STARD9: variants seen among roughly 807,000 people sequenced by gnomAD.
The protein encoded by STARD9 is stAR-related lipid transfer protein 9.
Under a neutral mutation model 399.8 loss-of-function variants are expected in STARD9, and 346 were observed. The ratio of observed to expected loss-of-function variants is 0.87; its 90% CI spans 0.79 to 0.95. The LOEUF (loss-of-function observed/expected upper bound fraction) is 0.95, where lower values mean the gene tolerates loss of function less well. Ranked by LOEUF, STARD9 falls within the 40% of genes least tolerant of loss-of-function variation. The probability of loss-of-function intolerance (pLI) is 0.00; values close to 1 mark genes in which losing one functional copy is unlikely to be tolerated. For missense variants in STARD9, 5,832 were observed against 5,667.5 expected (o/e 1.03, Z -0.93); for synonymous variants, 2,203 against 2,143.5 (o/e 1.03, Z -0.77).
At chr15:42,591,783 C>T (rs1431923732) in intron 3 of STARD9, among the ~76,000 whole-genome samples, 1 of 152,192 alleles carries the variant, frequency 6.6e-6, no homozygotes, top group Non-Finnish European at 1.5e-5. Flanking sequence ...CTAGGGACTA[C>T]TAGAGGACAA....
chr15:42,579,560 AAAAGGAAGG>A (rs758207538), intron 1 of STARD9, among the ~76,000 whole-genome samples: 12 of 152,274 alleles, frequency 7.9e-5, no homozygotes, highest in Non-Finnish European at 1.8e-4. Flanking sequence ...CAGGTAGAGA[AAAAGGAAGG>A]AAAGGAAGGA....
intron 9 of STARD9, among the ~76,000 whole-genome samples, chr15:42,660,650 A>G (rs1465782006): frequency 6.6e-6 from 1 of 151,860 alleles, no homozygotes; most frequent in African/African-American, 2.4e-5. Flanking sequence ...CCGACATTGA[A>G]TCGGGGTTGG....
intron 8 of STARD9, among the ~76,000 whole-genome samples, chr15:42,651,675 A>G (rs1373642676): frequency 6.6e-6 from 1 of 152,076 alleles, no homozygotes; most frequent in Non-Finnish European, 1.5e-5. Context: ...AGAGCCTTCT[A>G]TTTATCCTGT....
Position 42,684,366 on chromosome 15 carries a change from G to A in STARD9, c.2788G>A (p.Gly930Ser). The change falls in exon 23 of 33, where the codon GGC becomes AGC. Residue 930 changes from glycine (G) to serine (S), a missense_variant. This residue lies in a region of STARD9 where 5,828 missense variants were observed against 5,651.1 expected (regional missense o/e 1.03). Transcript: ENST00000290607. ...ACLTMSPNSV[G>S]IQEMEMGVKQ... ...CCTCACCATGAGTCCCAACTCTGTT[G>A]GCATCCAGGAAATGGAGATGGGGGT... The A allele has an allele frequency of 1.3e-6, 2 of 1,536,962 alleles. No homozygotes were observed. Among genetic ancestry groups the A allele is most frequent in the Non-Finnish European group, 1.7e-6 (2 of 1,146,792 alleles).
intron 28 of STARD9, among the ~76,000 whole-genome samples, 170 bp from the exon 29 acceptor site, chr15:42,717,561 G>A (rs2061373063): frequency 6.6e-6 from 1 of 152,042 alleles, no homozygotes; most frequent in South Asian, 2.1e-4. Context: ...GGAGGTTAAC[G>A]CTGCAGTGAG....
intron 26 of STARD9, among the ~76,000 whole-genome samples, chr15:42,712,097 A>AATAT (rs1555411009): frequency 4.8e-3 from 1 of 208 alleles, no homozygotes; most frequent in Non-Finnish European, 0.016. Context: ...ATATATATAT[A>AATAT]ATATATAATA....
At chr15:42,673,822 C>T in intron 16 of STARD9, 1 of 430,630 alleles carries the variant, frequency 2.3e-6, no homozygotes, top group Non-Finnish European at 4.7e-6. Context: ...TCCACTGATT[C>T]ATTTGTACTA....
chr15:42,580,640 C>G (rs1211026387), intron 1 of STARD9, among the ~76,000 whole-genome samples: 4 of 152,044 alleles, frequency 2.6e-5, no homozygotes, highest in African/African-American at 9.7e-5. Flanking sequence ...ATGGTGAAAC[C>G]CCGTCTCAGC....
intron 7 of STARD9, among the ~76,000 whole-genome samples, chr15:42,646,977 G>A (rs1426565985): frequency 1.3e-5 from 2 of 152,198 alleles, no homozygotes; most frequent in African/African-American, 4.8e-5. Flanking sequence ...GGAAAGGTTG[G>A]CTGGTGGAGC....
At chr15:42,629,012 C>G (rs1307866548) in intron 3 of STARD9, among the ~76,000 whole-genome samples, 1 of 151,720 alleles carries the variant, frequency 6.6e-6, no homozygotes, top group Non-Finnish European at 1.5e-5. Flanking sequence ...CTCATACTAC[C>G]CCAGTTAAAT....
At chr15:42,601,694 T>C (rs558790784) in intron 3 of STARD9, among the ~76,000 whole-genome samples, 1 of 152,280 alleles carries the variant, frequency 6.6e-6, no homozygotes, top group Non-Finnish European at 1.5e-5. Flanking sequence ...TGTCGGTCTG[T>C]TAATATATTC....
At position 42,694,127 on chromosome 15, in the gene STARD9, T is replaced by A; in HGVS notation, c.12549T>A (p.Asn4183Lys). ...KQEQSPPQPP[N>K]DHSQDSEWSK... ...AACAGAGTCCCCCACAACCTCCTAA[T>A]GACCACAGCCAGGATTCTGAGTGGT... Residue 4183 changes from asparagine (N) to lysine (K), a missense_variant, in exon 23 of 33, where the codon AAT (asparagine) becomes AAA (lysine). This residue lies in a region of STARD9 where 5,828 missense variants were observed against 5,651.1 expected (regional missense o/e 1.03). Coordinates refer to ENST00000290607, the MANE Select transcript of STARD9 (RefSeq NM_020759.3). 1 of 1,536,900 alleles carries A rather than the reference T, an allele frequency of 6.5e-7. No homozygotes were observed. Among genetic ancestry groups the A allele is most frequent in the Non-Finnish European group, 8.7e-7 (1 of 1,146,776 alleles).
intron 3 of STARD9, among the ~76,000 whole-genome samples, chr15:42,606,562 C>T (rs888869660): frequency 6.6e-6 from 1 of 151,758 alleles, no homozygotes; most frequent in Non-Finnish European, 1.5e-5. Flanking sequence ...CTCAAGCCAC[C>T]TTCCCACCTC....
intron 26 of STARD9, among the ~76,000 whole-genome samples, chr15:42,706,728 G>A (rs1205139824): frequency 6.6e-6 from 1 of 152,150 alleles, no homozygotes; most frequent in Non-Finnish European, 1.5e-5. Flanking sequence ...GAGATTACAG[G>A]CGTGAGCCAC....
intron 3 of STARD9, among the ~76,000 whole-genome samples, chr15:42,598,431 A>G (rs1367916831): frequency 1.3e-5 from 2 of 150,050 alleles, no homozygotes; most frequent in African/African-American, 4.9e-5. Flanking sequence ...TTATAAATGT[A>G]TTCATCATGT....
At position 42,675,757 on chromosome 15, in the gene STARD9, CTG is replaced by C; in HGVS notation, c.1770+15_1770+16del. 5 of 1,536,722 alleles carry C rather than the reference CTG, an allele frequency of 3.3e-6. No individual in the cohort carries two copies. The highest frequency in any genetic ancestry group is 4.4e-6 in the Non-Finnish European group (5 of 1,146,428). ...CGGCAGCGAAGGCAGGTTAGCAGGG[CTG>C]TGTTTTCTAGGTTATTGCTGGCCTC... On this transcript the variant is annotated intron_variant, in intron 19 of 32. Coordinates refer to ENST00000290607, the MANE Select transcript of STARD9 (RefSeq NM_020759.3).
intron 3 of STARD9, among the ~76,000 whole-genome samples, chr15:42,620,507 A>T (rs1399162948): frequency 6.6e-6 from 1 of 152,098 alleles, no homozygotes; most frequent in Non-Finnish European, 1.5e-5. Context: ...AGGAAATTAA[A>T]GTGTTAATTG....
intron 3 of STARD9, among the ~76,000 whole-genome samples, chr15:42,618,700 G>T (rs2059022418): frequency 6.6e-6 from 1 of 151,792 alleles, no homozygotes; most frequent in African/African-American, 2.4e-5. Flanking sequence ...GGGTTCAAGC[G>T]ATTCTCCTGC....
At chr15:42,716,616 G>A in intron 26 of STARD9, 61 bp from the exon 27 acceptor site, 1 of 1,056,144 alleles carries the variant, frequency 9.5e-7, no homozygotes, top group South Asian at 1.4e-5. Flanking sequence ...CAGTTCAGAG[G>A]CAGAGGAGAT....
Sources: gnomAD v4.1 joint callset for allele counts (sites outside exome capture counted in the v4.1 genomes callset) on GRCh38, gnomAD v4.1.1 for gene constraint, gnomAD v4.1.1 regional missense constraint, MANE v1.5 for transcripts, NCBI Gene and HGNC (gene_info 2026-07-23, HGNC 2026-07-21) for gene names.